TFCP2: variants seen among roughly 807,000 people sequenced by gnomAD.
TFCP2 encodes the protein transcription factor CP2.
Under a neutral mutation model 73.4 loss-of-function variants are expected in TFCP2, and 33 were observed. That is an observed-to-expected ratio of 0.45 (90% CI 0.34 to 0.60). The LOEUF is 0.60. Ranked by LOEUF, TFCP2 falls within the 20% of genes least tolerant of loss-of-function variation. The pLI is 0.01. For missense variants in TFCP2, 352 were observed against 604.0 expected (o/e 0.58, Z 4.37); for synonymous variants, 193 against 211.6 (o/e 0.91, Z 0.76).
rs536647984 is a variant in TFCP2, at chr12:51,118,193, G to A, written c.274+428C>T. Among the ~76,000 whole-genome samples the A allele has an allele frequency of 1.2e-4, 19 of 152,296 alleles. No homozygotes were observed. The South Asian group carries it at 1.5e-3, about 12-fold the overall frequency. The stretch of plus-strand genomic sequence containing the variant: ...TGACATTAGAACTCAAATCTCTGAA[G>A]TAGGACTTCTAGTTTGATAGGCCAC... On this transcript the variant is annotated intron_variant, in intron 2 of 14. Coordinates refer to ENST00000257915, the MANE Select transcript of TFCP2 (RefSeq NM_005653.5).
At chr12:51,125,968 C>T (rs916605798) in intron 1 of TFCP2, among the ~76,000 whole-genome samples, 3 of 151,536 alleles carry the variant, frequency 2.0e-5, no homozygotes, top group Non-Finnish European at 4.4e-5. Context: ...CGGTGGCTCA[C>T]GCCTGTAATC....
intron 1 of TFCP2, among the ~76,000 whole-genome samples, chr12:51,151,484 T>C (rs1941424284): frequency 1.3e-5 from 2 of 152,194 alleles, no homozygotes; most frequent in African/African-American, 2.4e-5. Flanking sequence ...TCGCCCAGGC[T>C]GGAGTGCAGT....
At chr12:51,107,176 G>A in intron 7 of TFCP2, 60 bp downstream of exon 7, 1 of 1,366,520 alleles carries the variant, frequency 7.3e-7, no homozygotes, top group Non-Finnish European at 1.0e-6. Context: ...GTTTGGAAGT[G>A]ATGAATTTTT....
At chr12:51,132,314 G>A (rs1406536183) in intron 1 of TFCP2, among the ~76,000 whole-genome samples, 1 of 134,652 alleles carries the variant, frequency 7.4e-6, no homozygotes. Context: ...CAACAAGAAT[G>A]TGGAAGAATT....
intron 5 of TFCP2, among the ~76,000 whole-genome samples, chr12:51,109,974 C>T (rs1046335123): frequency 2.0e-5 from 3 of 152,090 alleles, no homozygotes; most frequent in Non-Finnish European, 2.9e-5. Flanking sequence ...CTGCCTCGGC[C>T]TCCCAAAGTG....
At chr12:51,151,974 C>T (rs910824359) in intron 1 of TFCP2, among the ~76,000 whole-genome samples, 5 of 152,050 alleles carry the variant, frequency 3.3e-5, no homozygotes, top group Admixed American at 6.6e-5. Context: ...CACTTGGCAA[C>T]GATCATAAAG....
At chr12:51,143,415 C>T (rs2137018904) in intron 1 of TFCP2, among the ~76,000 whole-genome samples, 1 of 150,026 alleles carries the variant, frequency 6.7e-6, no homozygotes, top group East Asian at 2.0e-4. Context: ...CCTCATGTCC[C>T]TTAGCAAGTC....
rs766328281 is a variant in TFCP2 at position 51,095,283 on chromosome 12, T to TA, written c.1472-6dup. ...GATAGCTATCATTGGTTTCTGCTGT[T>TA]AAAAAAAAGAGAGAGAGAGAATCAT... On this transcript the variant is annotated splice_region_variant and splice_polypyrimidine_tract_variant and intron_variant, in intron 14 of 14. Transcript: ENST00000257915. 13 of 1,612,570 alleles carry TA rather than the reference T, an allele frequency of 8.1e-6. No homozygotes were observed. The highest frequency in any genetic ancestry group is 1.3e-5 in the African/African-American group (1 of 74,652).
intron 1 of TFCP2, among the ~76,000 whole-genome samples, chr12:51,133,518 C>CT (rs1304456024): frequency 6.6e-6 from 1 of 152,186 alleles, no homozygotes; most frequent in African/African-American, 2.4e-5. Flanking sequence ...GCTGCCCAGA[C>CT]TGAGACTGGT....
intron 1 of TFCP2, among the ~76,000 whole-genome samples, chr12:51,159,178 C>CA (rs139446881): frequency 0.59 from 71,386 of 120,036 alleles, 21,380 homozygotes; most frequent in Non-Finnish European, 0.68. Flanking sequence ...GACTCTGTCT[C>CA]AAAAAAAAAA....
intron 1 of TFCP2, among the ~76,000 whole-genome samples, chr12:51,141,025 C>T (rs772025897): frequency 1.3e-5 from 2 of 151,882 alleles, no homozygotes; most frequent in Non-Finnish European, 2.9e-5. Flanking sequence ...CACTGGACTC[C>T]AGCCTGGGCA....
At chr12:51,111,460 CTTTT>C (rs986953259) in intron 4 of TFCP2, among the ~76,000 whole-genome samples, 2 of 151,860 alleles carry the variant, frequency 1.3e-5, no homozygotes, top group Non-Finnish European at 2.9e-5. Context: ...CCTTAAATTT[CTTTT>C]TTGTCAATGA....
chr12:51,098,665 G>A, intron 13 of TFCP2, 111 bp downstream of exon 13: 1 of 1,248,012 alleles, frequency 8.0e-7, no homozygotes. Flanking sequence ...AAAAAAGTAT[G>A]AAACCCTCTG....
intron 1 of TFCP2, chr12:51,125,525 T>C (rs1940791831): frequency 1.4e-5 from 5 of 356,838 alleles, no homozygotes; most frequent in South Asian, 4.4e-5. Context: ...AAGTAACTAA[T>C]TGAAAAGTAA....
intron 1 of TFCP2, among the ~76,000 whole-genome samples, chr12:51,158,456 C>G (rs1380750702): frequency 2.0e-5 from 3 of 152,078 alleles, no homozygotes; most frequent in Admixed American, 1.3e-4. Context: ...TATTTGGTTC[C>G]TTTTGATCAT....
chr12:51,130,725 G>A lies in TFCP2; in HGVS notation c.123-11953C>T, dbSNP rs572472393. Reference sequence around the variant, plus strand: ...AAACTGGCCAGGCACGATGGCTCACGCCTGTATTCCTAGTACTTTGGGAAG... The same window carrying A: ...AAACTGGCCAGGCACGATGGCTCACACCTGTATTCCTAGTACTTTGGGAAG... On this transcript the variant is annotated intron_variant, in intron 1 of 14. Coordinates refer to ENST00000257915, the MANE Select transcript of TFCP2 (RefSeq NM_005653.5). Among the ~76,000 whole-genome samples, 16 of 152,206 alleles carry A rather than the reference G, an allele frequency of 1.1e-4. No individual in the cohort carries two copies. The South Asian group carries it at 1.9e-3, about 18-fold the overall frequency.
intron 4 of TFCP2, among the ~76,000 whole-genome samples, chr12:51,115,474 G>A (rs1233618364): frequency 6.6e-6 from 1 of 152,036 alleles, no homozygotes; most frequent in Non-Finnish European, 1.5e-5. Context: ...TAGTCACTGT[G>A]GAAAACAATA....
chr12:51,172,776 C>A lies in TFCP2; in HGVS notation c.-354G>T. The A allele has an allele frequency of 5.4e-6, 1 of 184,076 alleles. No homozygotes were observed. The highest frequency in any genetic ancestry group is 1.2e-5 in the Non-Finnish European group (1 of 86,176). The allele number at this position is 184,076 out of a possible 1,614,324, so 11.4% of individuals were successfully genotyped here. On this transcript the variant is annotated 5_prime_UTR_variant, in exon 1 of 15. Transcript: ENST00000257915. ...GTGGCTTGCTGCTTCCCAGTCAGACCAGCAGCAGCCGCAGGAAGCCAGCCC... is the reference window on the plus strand; with the variant it reads ...GTGGCTTGCTGCTTCCCAGTCAGACAAGCAGCAGCCGCAGGAAGCCAGCCC...
At chr12:51,119,121 A>T (rs1016375017) in intron 1 of TFCP2, among the ~76,000 whole-genome samples, 1 of 152,240 alleles carries the variant, frequency 6.6e-6, no homozygotes, top group East Asian at 1.9e-4. Flanking sequence ...CAACAACTAT[A>T]CTATCTATAT....
Sources: allele counts gnomAD v4.1 joint callset (sites outside exome capture counted in the v4.1 genomes callset), GRCh38; gene constraint gnomAD v4.1.1; transcripts MANE v1.5; gene names NCBI Gene and HGNC (gene_info 2026-07-23, HGNC 2026-07-21).